Variants in FBN1 observed in about 807,000 individuals in gnomAD.
FBN1 encodes fibrillin 1.
In FBN1, 29 loss-of-function variants were observed where a neutral mutation model predicts 365.1. The observed-to-expected ratio is 0.08, with a 90% CI of 0.06 to 0.11. The LOEUF (loss-of-function observed/expected upper bound fraction) is 0.11, where lower values mean the gene tolerates loss of function less well. Among genes scored for constraint, FBN1 ranks in the 10% least tolerant of loss-of-function variants. FBN1 has a pLI of 1.00. For synonymous variants in FBN1, 1,210 were observed against 1,270.5 expected (o/e 0.95, Z 1.01); for missense variants, 2,476 against 3,703.2 (o/e 0.67, Z 8.60).
chr15:48,424,530 T>C (rs191010156), intron 60 of FBN1, among the ~76,000 whole-genome samples: 24 of 152,274 alleles, frequency 1.6e-4, no homozygotes, highest in Non-Finnish European at 3.2e-4. Context: ...GTGGAAGAAC[T>C]TAAGCTTTAT....
chr15:48,577,095 A>G (rs2044353949), intron 6 of FBN1, among the ~76,000 whole-genome samples: 1 of 152,202 alleles, frequency 6.6e-6, no homozygotes, highest in Non-Finnish European at 1.5e-5. Context: ...CCCAACATCA[A>G]TTGGACTATA....
intron 53 of FBN1, among the ~76,000 whole-genome samples, chr15:48,435,666 ATGTGTG>A (rs3074870): frequency 2.7e-5 from 4 of 145,632 alleles, no homozygotes; most frequent in Middle Eastern, 3.5e-3. Context: ...GAGACCTAAA[ATGTGTG>A]TGTGTGTGTG....
At chr15:48,565,625 TA>T (rs35240803) in intron 6 of FBN1, among the ~76,000 whole-genome samples, 28,877 of 138,698 alleles carry the variant, frequency 0.21, 4,297 homozygotes, top group African/African-American at 0.43. Context: ...TTCAATGTGA[TA>T]AAAAAAAAAA....
At chr15:48,487,514 T>C (rs2043519580) in intron 27 of FBN1, 77 bp from the exon 28 acceptor site, 3 of 1,578,038 alleles carry the variant, frequency 1.9e-6, no homozygotes, top group Non-Finnish European at 2.6e-6. Context: ...CCCCCACCCA[T>C]TGCTGGGTGT....
chr15:48,503,110 C>T (rs1004527329), intron 17 of FBN1, among the ~76,000 whole-genome samples: 18 of 151,864 alleles, frequency 1.2e-4, no homozygotes, highest in African/African-American at 4.1e-4. Flanking sequence ...CCAGCCTGGC[C>T]AATATGGTGA....
rs916126602 is a variant in FBN1, at chr15:48,474,762, T to C, written c.3965-112A>G. 10 of 1,382,386 alleles carry C rather than the reference T, an allele frequency of 7.2e-6. No individual in the cohort carries two copies. In the African/African-American group the frequency reaches 1.3e-4, roughly 18 times the overall value. The allele number at this position is 1,382,386 out of a possible 1,614,324, so 85.6% of individuals were successfully genotyped here. A position where few individuals can be genotyped will look rare whatever the true frequency, so the allele number is the denominator to read the frequency against. ...CCTTCAAACTTCCCATGGTATAGTA[T>C]AGACTGGTTTTGCATCCATATATAA... On this transcript the variant is annotated intron_variant, in intron 32 of 65. Coordinates refer to ENST00000316623, the MANE Select transcript of FBN1 (RefSeq NM_000138.5).
chr15:48,425,874 A>G lies in FBN1; in HGVS notation c.7205-10T>C. ...TTGCATTCATCGATATCTGTAATTTAACAAATATAAATTAAGAAATATATC... is the reference window on the plus strand; with the variant it reads ...TTGCATTCATCGATATCTGTAATTTGACAAATATAAATTAAGAAATATATC... On this transcript the variant is annotated splice_polypyrimidine_tract_variant and intron_variant, in intron 58 of 65. Coordinates refer to ENST00000316623, the MANE Select transcript of FBN1 (RefSeq NM_000138.5). 1 of 1,596,992 alleles carries G rather than the reference A, an allele frequency of 6.3e-7. No individual in the cohort carries two copies. Among genetic ancestry groups the G allele is most frequent in the Non-Finnish European group, 8.6e-7 (1 of 1,164,932 alleles).
intron 2 of FBN1, among the ~76,000 whole-genome samples, chr15:48,627,097 A>G (rs1377148127): frequency 1.3e-5 from 2 of 152,228 alleles, no homozygotes; most frequent in Non-Finnish European, 2.9e-5. Context: ...TTTTTAGATT[A>G]GAGATTAGAA....
At chr15:48,425,908 G>T (rs1566892956) in intron 58 of FBN1, 44 bp from the exon 59 acceptor site, 3 of 1,485,642 alleles carry the variant, frequency 2.0e-6, no homozygotes, top group Non-Finnish European at 1.9e-6. Context: ...TCATAAAATT[G>T]ACAACATTAA....
chr15:48,551,093 G>A (rs573344879), intron 6 of FBN1, among the ~76,000 whole-genome samples: 8 of 152,114 alleles, frequency 5.3e-5, no homozygotes, highest in Admixed American at 2.0e-4. Context: ...TTATAATTCC[G>A]TGAATCTATC....
chr15:48,515,678 C>T, intron 11 of FBN1, 151 bp from the exon 12 acceptor site: 3 of 1,026,800 alleles, frequency 2.9e-6, no homozygotes, highest in Non-Finnish European at 4.4e-6. Context: ...AGCATATTTC[C>T]ACCCTGCCAA....
intron 6 of FBN1, among the ~76,000 whole-genome samples, chr15:48,548,367 C>T (rs548967995): frequency 1.3e-5 from 2 of 152,282 alleles, no homozygotes; most frequent in South Asian, 2.1e-4. Flanking sequence ...ATAGTTATTT[C>T]CCAGACACCC....
intron 38 of FBN1, 95 bp from the exon 39 acceptor site, chr15:48,465,953 G>A (rs1452983612): frequency 1.1e-6 from 1 of 871,172 alleles, no homozygotes; most frequent in African/African-American, 1.7e-5. Flanking sequence ...AACTGAAAAT[G>A]TTCATTTTCA....
chr15:48,474,494 C>T, intron 33 of FBN1, 34 bp downstream of exon 33: 1 of 1,614,100 alleles, frequency 6.2e-7, no homozygotes, highest in East Asian at 2.2e-5. Flanking sequence ...CTATGCAGTC[C>T]TTGATAAGCA....
At chr15:48,427,868 A>T (rs1386963963) in intron 57 of FBN1, 95 bp from the exon 58 acceptor site, 1 of 1,069,460 alleles carries the variant, frequency 9.4e-7, no homozygotes, top group East Asian at 2.6e-5. Flanking sequence ...CCAAAAAAGG[A>T]TGTAACACTT....
In FBN1 at chr15:48,414,120, G is replaced by A. The variant is rs181758893; in HGVS notation, c.8052-1377C>T. ...ATCCCGGGAGCACCACTTATAAGAA[G>A]TGTGACTACAAAATCCCACTGGCCA... On this transcript the variant is annotated intron_variant, in intron 64 of 65. Coordinates refer to ENST00000316623, the MANE Select transcript of FBN1 (RefSeq NM_000138.5). Among the ~76,000 whole-genome samples the A allele has an allele frequency of 3.6e-3, 549 of 152,312 alleles. 3 individuals carry two copies. The highest frequency in any genetic ancestry group is 7.4e-3 in the Admixed American group (114 of 15,304).
At chr15:48,489,733 T>G in intron 25 of FBN1, 118 bp downstream of exon 25, 1 of 825,628 alleles carries the variant, frequency 1.2e-6, no homozygotes, top group East Asian at 2.6e-5. Flanking sequence ...GATAATTATA[T>G]AATTCAGAAA....
At position 48,422,043 on chromosome 15, in the gene FBN1, T is replaced by C; in HGVS notation, c.7479A>G (p.Gln2493=). Residue 2493 remains glutamine (Q), a synonymous_variant, in exon 61 of 66, where the codon CAA becomes CAG. Transcript: ENST00000316623. Reference sequence around the variant, plus strand: ...TAACACATAGGAACTGGCAGTTGTGTTGCTTGGTTGCACACTCATCAAGAT... The same window carrying C: ...TAACACATAGGAACTGGCAGTTGTGCTGCTTGGTTGCACACTCATCAAGAT... The part of the protein sequence containing the change: ...CKDLDECATK[Q]HNCQFLCVNT... The C allele has an allele frequency of 6.2e-7, 1 of 1,613,870 alleles. No homozygotes were observed. Among genetic ancestry groups the C allele is most frequent in the Non-Finnish European group, 8.5e-7 (1 of 1,179,792 alleles).
intron 37 of FBN1, 41 bp downstream of exon 37, chr15:48,468,371 C>T (rs761297178): frequency 1.3e-5 from 21 of 1,612,362 alleles, no homozygotes; most frequent in Non-Finnish European, 1.8e-5. Flanking sequence ...CAAAATAATA[C>T]ACAGTATGCT....
Sources: allele counts gnomAD v4.1 joint callset (sites outside exome capture counted in the v4.1 genomes callset), GRCh38; gene constraint gnomAD v4.1.1; transcripts MANE v1.5; gene names NCBI Gene and HGNC (gene_info 2026-07-23, HGNC 2026-07-21).